Variants in ZBTB20 observed in about 807,000 individuals in gnomAD.
ZBTB20 encodes zinc finger and BTB domain-containing protein 20.
Under a neutral mutation model 56.9 loss-of-function variants are expected in ZBTB20, and 9 were observed. The ratio of observed to expected loss-of-function variants is 0.16; its 90% confidence interval spans 0.10 to 0.28. The LOEUF (loss-of-function observed/expected upper bound fraction) is 0.28. Among genes scored for constraint, ZBTB20 ranks in the 10% least tolerant of loss-of-function variants. The pLI is 1.00. For missense variants in ZBTB20, 655 were observed against 1,003.0 expected, an observed-to-expected ratio of 0.65 and a Z score of 4.69; for synonymous variants, 417 against 420.7, an observed-to-expected ratio of 0.99 and a Z score of 0.11.
chr3:114,845,561 G>C (rs1187037061), intron 4 of ZBTB20, among the ~76,000 whole-genome samples: 1 of 151,598 alleles, frequency 6.6e-6, no homozygotes, highest in African/African-American at 2.4e-5. Context: ...ATAAATCAAG[G>C]CTGCTGAATT....
chr3:114,924,126 A>C (rs1016007237), intron 3 of ZBTB20, among the ~76,000 whole-genome samples: 3 of 152,214 alleles, frequency 2.0e-5, no homozygotes, highest in Non-Finnish European at 2.9e-5. Flanking sequence ...TGGTATAGCC[A>C]TTATGGAAAA....
At chr3:114,770,583 G>T (rs1190061496) in intron 5 of ZBTB20, among the ~76,000 whole-genome samples, 2 of 151,614 alleles carry the variant, frequency 1.3e-5, no homozygotes, top group African/African-American at 4.8e-5. Context: ...TTATGTTCTT[G>T]CCTGGGCAAC....
intron 4 of ZBTB20, among the ~76,000 whole-genome samples, chr3:114,843,029 G>A (rs151186417): frequency 0.016 from 2,438 of 152,162 alleles, 26 homozygotes; most frequent in Non-Finnish European, 0.025. Context: ...AAGTTATTTG[G>A]CAGTCTCTCT....
intron 7 of ZBTB20, among the ~76,000 whole-genome samples, chr3:114,389,887 C>CAAAAA (rs34247337): frequency 1.3e-4 from 10 of 77,598 alleles, no homozygotes; most frequent in Admixed American, 1.8e-4. Context: ...GAGTCCATCT[C>CAAAAA]AAAAAAAAAA....
intron 1 of ZBTB20, among the ~76,000 whole-genome samples, chr3:115,125,960 T>C (rs774445015): frequency 2.0e-5 from 3 of 151,856 alleles, no homozygotes; most frequent in Non-Finnish European, 2.9e-5. Flanking sequence ...GGAGAAGAGA[T>C]AGAATTAGTA....
intron 7 of ZBTB20, among the ~76,000 whole-genome samples, chr3:114,469,415 A>T (rs1317406711): frequency 1.3e-5 from 2 of 152,158 alleles, no homozygotes; most frequent in Non-Finnish European, 2.9e-5. Context: ...TGCTTTAATG[A>T]TATAAAACTC....
chr3:114,582,426 C>CTAGG (rs1441635815), intron 6 of ZBTB20, among the ~76,000 whole-genome samples: 3 of 151,660 alleles, frequency 2.0e-5, no homozygotes, highest in African/African-American at 7.3e-5. Context: ...ACTCTGTCCA[C>CTAGG]CAGGCTGGAG....
intron 5 of ZBTB20, among the ~76,000 whole-genome samples, chr3:114,754,694 T>C (rs1426866225): frequency 6.6e-6 from 1 of 152,190 alleles, no homozygotes; most frequent in East Asian, 1.9e-4. Flanking sequence ...ACTCAACATA[T>C]GACTTTGTAT....
At chr3:114,648,211 A>G (rs995035074) in intron 6 of ZBTB20, among the ~76,000 whole-genome samples, 1 of 151,834 alleles carries the variant, frequency 6.6e-6, no homozygotes, top group African/African-American at 2.4e-5. Context: ...ACTAGTAGGC[A>G]TTGTAGTAAT....
chr3:114,994,002 A>G (rs114037013), intron 2 of ZBTB20, among the ~76,000 whole-genome samples: 3,759 of 151,960 alleles, frequency 0.025, 74 homozygotes, highest in Non-Finnish European at 0.035. Context: ...AGGCTAAACC[A>G]TATTATTTTT....
Position 114,994,052 on chromosome 3 carries a change from A to C in ZBTB20, c.-506-19636T>G, listed in dbSNP as rs79506414. ...ATAGTAAAACTTATGCTGATCAAAA[A>C]ATATTAATCATTAAATATTTAAGAA... On this transcript the variant is annotated intron_variant, in intron 2 of 11. Transcript: ENST00000675478. 4.2e-3 allele frequency among the ~76,000 whole-genome samples: 636 copies of C among 151,962 alleles called. 6 individuals are homozygous for C. Among genetic ancestry groups the C allele is most frequent in the African/African-American group, 0.014 (593 of 41,518 alleles).
At chr3:114,384,100 T>TC (rs1682112965) in intron 8 of ZBTB20, among the ~76,000 whole-genome samples, 3 of 139,342 alleles carry the variant, frequency 2.2e-5, no homozygotes, top group Admixed American at 7.1e-5. Context: ...TCAGTTCTCA[T>TC]TCTCTCTCTC....
At chr3:114,632,038 G>GAGT (rs1468203298) in intron 6 of ZBTB20, among the ~76,000 whole-genome samples, 1 of 152,206 alleles carries the variant, frequency 6.6e-6, no homozygotes, top group Non-Finnish European at 1.5e-5. Flanking sequence ...GTCCTGTAGA[G>GAGT]AGTAGACTAT....
chr3:114,467,668 A>C (rs922446115), intron 7 of ZBTB20, among the ~76,000 whole-genome samples: 2 of 152,186 alleles, frequency 1.3e-5, no homozygotes, highest in Non-Finnish European at 2.9e-5. Flanking sequence ...ATTTTTTCCT[A>C]GGAAAAATGT....
At position 114,650,332 on chromosome 3, in the gene ZBTB20, C is replaced by T. The variant is rs371084217; in HGVS notation, c.-295+43196G>A. 8.6e-5 allele frequency among the ~76,000 whole-genome samples: 13 copies of T among 151,886 alleles called. No homozygotes were observed. In the South Asian group the frequency reaches 1.9e-3, roughly 22 times the overall value. ...AAAATAATCTTTAGAGATCAACAGG[C>T]CAGGAAGAGTTCTAAGAATATGCAT... On this transcript the variant is annotated intron_variant, in intron 6 of 11. Transcript: ENST00000675478.
intron 4 of ZBTB20, among the ~76,000 whole-genome samples, chr3:114,844,656 G>GTACCATT (rs2074597030): frequency 6.8e-6 from 1 of 146,828 alleles, no homozygotes. Flanking sequence ...TAAAGTGGCT[G>GTACCATT]TACCATTTTA....
At position 114,732,304 on chromosome 3, in the gene ZBTB20, C is replaced by A. The variant is rs575924096; in HGVS notation, c.-342-38729G>T. On this transcript the variant is annotated intron_variant, in intron 5 of 11. Transcript: ENST00000675478. The stretch of plus-strand genomic sequence containing the variant: ...CTCTCATGAGTATATGGTTCTCTAT[C>A]CCTATTTTTAGGCTCTTCTCCTTTT... 5.9e-5 allele frequency among the ~76,000 whole-genome samples: 9 copies of A among 152,212 alleles called. No individual in the cohort carries two copies. In the South Asian group the frequency reaches 1.9e-3, roughly 32 times the overall value.
rs2078710314 is a variant in ZBTB20 at position 114,317,002 on chromosome 3, T to A, written c.*22003A>T. 6.0e-6 allele frequency: 1 copy of A among 167,940 alleles called. No homozygotes were observed. The highest frequency in any genetic ancestry group is 2.4e-5 in the African/African-American group (1 of 41,510). 10.4% of individuals were successfully genotyped at this position (167,940 alleles called of 1,614,324 possible). On this transcript the variant is annotated 3_prime_UTR_variant, in exon 12 of 12. Coordinates refer to ENST00000675478, the MANE Select transcript of ZBTB20 (RefSeq NM_001348800.3). ...GACTATAATGGACTTGTGCAGTTCC[T>A]GTTGGCCTCGGCTAAGAGATGCCAT...
At chr3:115,058,588 G>A (rs2081899693) in intron 2 of ZBTB20, among the ~76,000 whole-genome samples, 1 of 152,122 alleles carries the variant, frequency 6.6e-6, no homozygotes, top group South Asian at 2.1e-4. Context: ...AATTAGCCGG[G>A]CAAGGTGGGG....
Sources: allele counts gnomAD v4.1 joint callset (sites outside exome capture counted in the v4.1 genomes callset), GRCh38; gene constraint gnomAD v4.1.1; transcripts MANE v1.5; gene names NCBI Gene and HGNC (gene_info 2026-07-23, HGNC 2026-07-21).